Variants in ELFN1 observed in about 807,000 individuals in gnomAD.
ELFN1 encodes extracellular leucine rich repeat and fibronectin type III domain containing 1.
Under a neutral mutation model 7.6 loss-of-function variants are expected in ELFN1, and 6 were observed. The observed-to-expected ratio is 0.79, with a 90% confidence interval of 0.43 to 1.56. The LOEUF (loss-of-function observed/expected upper bound fraction) is 1.56. ELFN1 is among the 40% of genes most tolerant of loss of function. The pLI is 0.01. For synonymous variants in ELFN1, 657 were observed against 588.1 expected (o/e 1.12, Z -1.70); for missense variants, 1,169 against 1,232.2 (o/e 0.95, Z 0.77).
chr7:1,676,872 C>T (rs908409318), intron 1 of ELFN1, among the ~76,000 whole-genome samples: 7 of 152,166 alleles, frequency 4.6e-5, no homozygotes, highest in Non-Finnish European at 5.9e-5. Context: ...TTCGGGAAGT[C>T]TCTGGGGAGT....
At chr7:1,709,944 TG>T (rs1297970012) in intron 3 of ELFN1, among the ~76,000 whole-genome samples, 1 of 152,244 alleles carries the variant, frequency 6.6e-6, no homozygotes, top group Non-Finnish European at 1.5e-5. Context: ...ACTTTGGATT[TG>T]GGAAACTGTA....
intron 1 of ELFN1, among the ~76,000 whole-genome samples, chr7:1,687,378 G>C (rs1779079172): frequency 6.6e-6 from 1 of 151,558 alleles, no homozygotes; most frequent in South Asian, 2.1e-4. Context: ...ACTTAAAAAA[G>C]GGTAGCATAT....
intron 2 of ELFN1, among the ~76,000 whole-genome samples, chr7:1,696,769 G>A (rs970622615): frequency 3.3e-5 from 5 of 152,070 alleles, no homozygotes; most frequent in African/African-American, 9.7e-5. Flanking sequence ...GGCTAACTCC[G>A]ATCACCTCCC....
chr7:1,696,953 T>C (rs1032626134), intron 2 of ELFN1, among the ~76,000 whole-genome samples: 6 of 152,134 alleles, frequency 3.9e-5, no homozygotes, highest in Admixed American at 2.0e-4. Context: ...CCACGAGCAA[T>C]GCACTAGCAG....
chr7:1,702,880 T>C (rs1358536572), intron 2 of ELFN1, among the ~76,000 whole-genome samples: 1 of 150,956 alleles, frequency 6.6e-6, no homozygotes, highest in Non-Finnish European at 1.5e-5. Context: ...GCAGCAAGTA[T>C]CCTTGTGTTG....
chr7:1,676,855 G>A (rs766679528), intron 1 of ELFN1, among the ~76,000 whole-genome samples: 1 of 152,200 alleles, frequency 6.6e-6, no homozygotes, highest in Non-Finnish European at 1.5e-5. Flanking sequence ...GTTGGTACTC[G>A]GATTGCTTCG....
chr7:1,738,702 G>C (rs1415309967), intron 3 of ELFN1: 1 of 152,042 alleles, frequency 6.6e-6, no homozygotes, highest in African/African-American at 2.4e-5. Flanking sequence ...AGCAGAGCCA[G>C]CGCATCCCAG....
intron 1 of ELFN1, among the ~76,000 whole-genome samples, chr7:1,684,580 A>C (rs939369609): frequency 6.6e-6 from 1 of 152,076 alleles, no homozygotes; most frequent in Non-Finnish European, 1.5e-5. Flanking sequence ...AATACTTTTC[A>C]TGTGCCATTT....
At chr7:1,729,002 A>G (rs868272161) in intron 3 of ELFN1, among the ~76,000 whole-genome samples, 1 of 152,182 alleles carries the variant, frequency 6.6e-6, no homozygotes, top group African/African-American at 2.4e-5. Flanking sequence ...CATTCTGCAA[A>G]TCACCCAGCT....
intron 1 of ELFN1, among the ~76,000 whole-genome samples, chr7:1,671,896 G>A (rs2128572710): frequency 6.6e-6 from 1 of 152,328 alleles, no homozygotes; most frequent in Middle Eastern, 3.4e-3. Context: ...TTGGAGCCCA[G>A]CCAGGACCCC....
intron 3 of ELFN1, among the ~76,000 whole-genome samples, chr7:1,709,510 A>G (rs1220228783): frequency 4.6e-5 from 7 of 152,232 alleles, no homozygotes; most frequent in African/African-American, 1.4e-4. Context: ...GGACCCGGAA[A>G]TAGTCTAAGT....
intron 3 of ELFN1, among the ~76,000 whole-genome samples, chr7:1,721,878 C>G (rs1780032679): frequency 2.0e-5 from 3 of 152,350 alleles, no homozygotes; most frequent in Middle Eastern, 3.4e-3. Flanking sequence ...CTCCCTTCCC[C>G]TCTCTGGTCT....
rs1276511144 is a variant in ELFN1, at chr7:1,673,215, G to A, written c.-549+2861G>A. Among the ~76,000 whole-genome samples the A allele has an allele frequency of 6.6e-6, 1 of 152,154 alleles. No homozygotes were observed. Among genetic ancestry groups the A allele is most frequent in the Non-Finnish European group, 1.5e-5 (1 of 68,006 alleles). On this transcript the variant is annotated intron_variant, in intron 1 of 3. Coordinates refer to ENST00000424383, the MANE Select transcript of ELFN1 (RefSeq NM_001128636.4). The surrounding 1 kb of genome is among the most constrained non-coding windows in gnomAD (Gnocchi z 4.7). The stretch of plus-strand genomic sequence containing the variant: ...TGGTGGAGCCACTGCAGTGGACGAT[G>A]GCGCCATCCATTCCAGCACCAGCTG...
intron 3 of ELFN1, among the ~76,000 whole-genome samples, chr7:1,718,041 G>T (rs949677841): frequency 1.3e-5 from 2 of 152,180 alleles, no homozygotes; most frequent in East Asian, 3.8e-4. Context: ...GCCCAGGGCT[G>T]GTAGGGTGGC....
intron 2 of ELFN1, among the ~76,000 whole-genome samples, 168 bp from the exon 3 acceptor site, chr7:1,708,923 G>A (rs1779593793): frequency 1.3e-5 from 2 of 152,176 alleles, no homozygotes; most frequent in African/African-American, 4.8e-5. Context: ...TGTGTGTCAG[G>A]AAGTCCCCAG....
At chr7:1,698,327 AT>A (rs1779360106) in intron 2 of ELFN1, among the ~76,000 whole-genome samples, 1 of 152,122 alleles carries the variant, frequency 6.6e-6, no homozygotes, top group South Asian at 2.1e-4. Flanking sequence ...TTTTGTGGCA[AT>A]TTTCTTTTCC....
At chr7:1,717,572 G>T (rs1583359137) in intron 3 of ELFN1, among the ~76,000 whole-genome samples, 1 of 152,304 alleles carries the variant, frequency 6.6e-6, no homozygotes, top group East Asian at 1.9e-4. Flanking sequence ...GGCCTGGCTG[G>T]GGATGTGGTT....
chr7:1,685,555 AC>A (rs1350601458), intron 1 of ELFN1, among the ~76,000 whole-genome samples: 1 of 151,984 alleles, frequency 6.6e-6, no homozygotes, highest in Non-Finnish European at 1.5e-5. Flanking sequence ...ATCTTCAAGC[AC>A]ACTAATTTTT....
At chr7:1,688,546 A>G (rs1369557251) in intron 2 of ELFN1, among the ~76,000 whole-genome samples, 2 of 152,330 alleles carry the variant, frequency 1.3e-5, no homozygotes, top group Admixed American at 1.3e-4. Context: ...CTTCCTAGGT[A>G]TACTAATCCA....
Sources: gnomAD v4.1 joint callset for allele counts (sites outside exome capture counted in the v4.1 genomes callset) on GRCh38, gnomAD v4.1.1 for gene constraint, Gnocchi (gnomAD v3.1) non-coding constraint, MANE v1.5 for transcripts, NCBI Gene and HGNC (gene_info 2026-07-23, HGNC 2026-07-21) for gene names.